IMPG1: variants seen among roughly 807,000 people sequenced by gnomAD.
IMPG1 encodes interphotoreceptor matrix proteoglycan 1, also known as interphotoreceptor matrix proteoglycan of 150 kDa.
Under a neutral mutation model 92.0 loss-of-function variants are expected in IMPG1, and 85 were observed. That is an observed-to-expected ratio of 0.92 (90% CI 0.78 to 1.11). The LOEUF is 1.11. IMPG1 is among the 50% of genes least tolerant of loss of function. The probability of loss-of-function intolerance (pLI) is 0.00; values close to 1 mark genes in which losing one functional copy is unlikely to be tolerated. For missense variants in IMPG1, 1,022 were observed against 956.0 expected (o/e 1.07, Z -0.91); for synonymous variants, 367 against 334.1 (o/e 1.10, Z -1.08).
intron 12 of IMPG1, among the ~76,000 whole-genome samples, chr6:75,999,308 T>A (rs899328906): frequency 6.6e-6 from 1 of 151,388 alleles, no homozygotes; most frequent in African/African-American, 2.5e-5. Context: ...GCAAGAACTT[T>A]ATCTCAGAAT....
At chr6:76,025,401 A>G (rs939888278) in intron 4 of IMPG1, 143 bp from the exon 5 acceptor site, 2 of 459,510 alleles carry the variant, frequency 4.4e-6, no homozygotes, top group African/African-American at 4.0e-5. Flanking sequence ...CCTATTTTTA[A>G]ACTACAGAAG....
Position 76,034,736 on chromosome 6 carries a change from G to A in IMPG1, c.353C>T (p.Pro118Leu), listed in dbSNP as rs557986271. 1 of 1,614,108 alleles carries A rather than the reference G, an allele frequency of 6.2e-7. No individual in the cohort carries two copies. The highest frequency in any genetic ancestry group is 1.7e-5 in the Admixed American group (1 of 60,024). ...CCAGTCCTGATATTCCCCTGTGTCAGGGATGCGATCCAGAAAGATCCGATA... is the reference window on the plus strand; with the variant it reads ...CCAGTCCTGATATTCCCCTGTGTCAAGGATGCGATCCAGAAAGATCCGATA... ...EAYRIFLDRI[P>L]DTGEYQDWVS... Residue 118 changes from proline to leucine, a missense_variant, in exon 3 of 17, where the codon CCT (proline) becomes CTT (leucine). Physicochemically the swap from Pro to Leu is moderately conservative, Grantham distance 98. Transcript: ENST00000369950.
At chr6:76,001,413 C>T (rs1040126505) in intron 12 of IMPG1, among the ~76,000 whole-genome samples, 1 of 152,192 alleles carries the variant, frequency 6.6e-6, no homozygotes, top group Non-Finnish European at 1.5e-5. Flanking sequence ...TTCTTCCATA[C>T]TTCTCCCATC....
chr6:75,950,448 G>T, intron 13 of IMPG1, 114 bp downstream of exon 13: 1 of 891,402 alleles, frequency 1.1e-6, no homozygotes, highest in Non-Finnish European at 1.7e-6. Flanking sequence ...CAGCTGGCTT[G>T]GCGGTTTGTT....
chr6:75,999,263 A>G (rs1782947717), intron 12 of IMPG1, among the ~76,000 whole-genome samples: 1 of 152,224 alleles, frequency 6.6e-6, no homozygotes, highest in Non-Finnish European at 1.5e-5. Context: ...TCTATACAAC[A>G]TACCAATTCT....
At chr6:76,040,539 T>G (rs779508489) in intron 2 of IMPG1, among the ~76,000 whole-genome samples, 4 of 152,200 alleles carry the variant, frequency 2.6e-5, no homozygotes, top group Non-Finnish European at 5.9e-5. Context: ...TTGCATTCTG[T>G]GTCCACCAAC....
chr6:76,026,538 G>T lies in IMPG1; in HGVS notation c.498-1280C>A, dbSNP rs72891770. 3.5e-3 allele frequency among the ~76,000 whole-genome samples: 528 copies of T among 152,290 alleles called. 1 individual carries two copies. The highest frequency in any genetic ancestry group is 5.7e-3 in the Non-Finnish European group (391 of 68,018). ...CCTCCCTGCTGGGGCTGGGACGTAT[G>T]GTCCAAGGGTCCCACACAGCTGGCT... On this transcript the variant is annotated intron_variant, in intron 4 of 16. Transcript: ENST00000369950.
At chr6:75,960,483 A>G (rs914938448) in intron 12 of IMPG1, among the ~76,000 whole-genome samples, 2 of 152,140 alleles carry the variant, frequency 1.3e-5, no homozygotes, top group African/African-American at 4.8e-5. Context: ...CGTTTACTAA[A>G]AATTATTATT....
chr6:75,954,126 C>T (rs1782079598), intron 12 of IMPG1, among the ~76,000 whole-genome samples: 1 of 152,050 alleles, frequency 6.6e-6, no homozygotes, highest in Non-Finnish European at 1.5e-5. Context: ...GGGTATATAC[C>T]CAGTAATGGG....
chr6:76,027,092 G>A (rs1057480544), intron 4 of IMPG1, among the ~76,000 whole-genome samples: 1 of 152,196 alleles, frequency 6.6e-6, no homozygotes, highest in African/African-American at 2.4e-5. Flanking sequence ...TTTAAGGGAA[G>A]TTAAAAGCTG....
At chr6:76,008,763 G>C (rs1436434180) in intron 8 of IMPG1, among the ~76,000 whole-genome samples, 1 of 152,086 alleles carries the variant, frequency 6.6e-6, no homozygotes, top group South Asian at 2.1e-4. Context: ...TATGGTATAC[G>C]ATCCAAGAAT....
intron 1 of IMPG1, among the ~76,000 whole-genome samples, chr6:76,046,031 A>C (rs1421127717): frequency 6.6e-6 from 1 of 152,170 alleles, no homozygotes; most frequent in African/African-American, 2.4e-5. Flanking sequence ...ATTGGCTGCC[A>C]TCAACAACTG....
chr6:76,018,734 C>G lies in IMPG1; in HGVS notation c.791G>C (p.Gly264Ala). 1 of 1,613,144 alleles carries G rather than the reference C, an allele frequency of 6.2e-7. No homozygotes were observed. The highest frequency in any genetic ancestry group is 1.7e-5 in the Admixed American group (1 of 59,908). ...TCTACTCACCTGAAGTTGGGACTTT[C>G]CTGCTAGCTCCTGGTAATATGGGGA... ...SQSPYYQELA[G>A]KSQLQMQKIF... The change falls in exon 7 of 17, where the codon GGA becomes GCA. Residue 264 changes from glycine to alanine, a missense_variant. Physicochemically the swap from Gly to Ala is moderately conservative, Grantham distance 60. Around this residue, in one of 3 missense-constraint regions of IMPG1, gnomAD observed 681 missense variants for 583.6 expected, o/e 1.17. Transcript: ENST00000369950.
At chr6:76,034,154 T>A (rs1448206121) in intron 4 of IMPG1, among the ~76,000 whole-genome samples, 161 bp downstream of exon 4, 2 of 152,214 alleles carry the variant, frequency 1.3e-5, no homozygotes, top group Non-Finnish European at 2.9e-5. Context: ...TACTGATTTA[T>A]CTTCAGTACA....
At chr6:76,069,899 A>C (rs1195893065) in intron 1 of IMPG1, among the ~76,000 whole-genome samples, 1 of 152,198 alleles carries the variant, frequency 6.6e-6, no homozygotes, top group Non-Finnish European at 1.5e-5. Context: ...CCAATACTGC[A>C]TGTTCTCACT....
At chr6:76,003,328 T>C (rs1056988356) in intron 11 of IMPG1, among the ~76,000 whole-genome samples, 5 of 152,174 alleles carry the variant, frequency 3.3e-5, no homozygotes, top group African/African-American at 1.2e-4. Flanking sequence ...GCACTTCTAT[T>C]TATGAACACC....
rs1385939915 is a variant in IMPG1 at position 76,006,394 on chromosome 6, T to C, written c.888-860A>G. Among the ~76,000 whole-genome samples, 5 of 148,138 alleles carry C rather than the reference T, an allele frequency of 3.4e-5. No individual in the cohort carries two copies. In the South Asian group the frequency reaches 1.0e-3, roughly 31 times the overall value. On this transcript the variant is annotated intron_variant, in intron 9 of 16. Coordinates refer to ENST00000369950, the MANE Select transcript of IMPG1 (RefSeq NM_001563.4). ...TACACATATATGTAAAATATATATATATAGTATATATATGTAAAAAAAGTC... is the reference window on the plus strand; with the variant it reads ...TACACATATATGTAAAATATATATACATAGTATATATATGTAAAAAAAGTC...
intron 14 of IMPG1, among the ~76,000 whole-genome samples, chr6:75,946,229 G>T (rs1481946074): frequency 6.6e-6 from 1 of 152,188 alleles, no homozygotes; most frequent in Non-Finnish European, 1.5e-5. Flanking sequence ...ATGCCTACAG[G>T]CGGTCTGTCT....
At chr6:75,951,145 A>G in intron 12 of IMPG1, 51 bp from the exon 13 acceptor site, 1 of 1,378,904 alleles carries the variant, frequency 7.3e-7, no homozygotes, top group South Asian at 1.4e-5. Context: ...CAAAGAATAG[A>G]AAGTGAAAAA....
Sources: gnomAD v4.1 joint callset for allele counts (sites outside exome capture counted in the v4.1 genomes callset) on GRCh38, gnomAD v4.1.1 for gene constraint, gnomAD v4.1.1 regional missense constraint, MANE v1.5 for transcripts, NCBI Gene and HGNC (gene_info 2026-07-23, HGNC 2026-07-21) for gene names.